CEP41: variants seen among roughly 807,000 people sequenced by gnomAD.
CEP41 encodes the protein centrosomal protein of 41 kDa.
Under a neutral mutation model 44.3 loss-of-function variants are expected in CEP41, and 32 were observed. That is an observed-to-expected ratio of 0.72 (90% CI 0.54 to 0.97). The LOEUF (loss-of-function observed/expected upper bound fraction) is 0.97, where lower values mean the gene tolerates loss of function less well. Ranked by LOEUF, CEP41 falls within the 50% of genes least tolerant of loss-of-function variation. The pLI is 0.00. For synonymous variants in CEP41, 151 were observed against 168.5 expected (o/e 0.90, Z 0.80); for missense variants, 432 against 455.2 (o/e 0.95, Z 0.46).
chr7:130,404,594 G>C lies in CEP41; in HGVS notation c.392C>G (p.Ala131Gly). Reference protein sequence around the residue: ...SPEQFINNAGAGDSSRSTLQS... With the variant: ...SPEQFINNAGGGDSSRSTLQS... Reference sequence around the variant, plus strand: ...AAGAGTTGAGCGGCTGGAGTCCCCTGCTCCTGCGTTGTTTATGAACTGCTC... The same window carrying C: ...AAGAGTTGAGCGGCTGGAGTCCCCTCCTCCTGCGTTGTTTATGAACTGCTC... The change falls in exon 6 of 11, where the codon GCA becomes GGA. Residue 131 changes from alanine (A) to glycine (G), a missense_variant. Physicochemically the swap from Ala to Gly is moderately conservative, Grantham distance 60. Transcript: ENST00000223208. The C allele has an allele frequency of 6.2e-7, 1 of 1,613,690 alleles. No individual in the cohort carries two copies. The highest frequency in any genetic ancestry group is 8.5e-7 in the Non-Finnish European group (1 of 1,179,610).
Position 130,411,110 on chromosome 7 carries a change from A to C in CEP41, c.277+12T>G. The C allele has an allele frequency of 6.2e-7, 1 of 1,613,000 alleles. No homozygotes were observed. The highest frequency in any genetic ancestry group is 8.5e-7 in the Non-Finnish European group (1 of 1,179,006). On this transcript the variant is annotated intron_variant, in intron 5 of 10. Transcript: ENST00000223208. ...AGCCTGTTATTTTCCCCACACCCTCAATTCTCATTACCTTCCAGCCTTTGA... is the reference window on the plus strand; with the variant it reads ...AGCCTGTTATTTTCCCCACACCCTCCATTCTCATTACCTTCCAGCCTTTGA...
intron 1 of CEP41, among the ~76,000 whole-genome samples, chr7:130,436,762 A>G (rs11974540): frequency 0.19 from 29,508 of 152,128 alleles, 2,868 homozygotes; most frequent in African/African-American, 0.22. Context: ...GGCTGGGCAC[A>G]GTGGCTCACA....
At chr7:130,424,719 T>C (rs1433977330) in intron 2 of CEP41, among the ~76,000 whole-genome samples, 2 of 152,024 alleles carry the variant, frequency 1.3e-5, no homozygotes, top group Non-Finnish European at 2.9e-5. Flanking sequence ...TCAAAGTTTA[T>C]CATGAACTTA....
chr7:130,420,873 T>G (rs1460957996), intron 2 of CEP41: 12 of 919,354 alleles, frequency 1.3e-5, no homozygotes, highest in Non-Finnish European at 1.6e-5. Flanking sequence ...AGTTATTTTA[T>G]AATGCAAATA....
At chr7:130,419,860 AG>A (rs1797448732) in intron 2 of CEP41, 1 of 985,226 alleles carries the variant, frequency 1.0e-6, no homozygotes, top group African/African-American at 1.7e-5. Context: ...GAGCCTCTAT[AG>A]CACTCGGCTT....
chr7:130,440,795 CTGCATCCCG>C, intron 1 of CEP41, 130 bp downstream of exon 1: 2 of 727,046 alleles, frequency 2.8e-6, no homozygotes, highest in Non-Finnish European at 2.4e-6. Context: ...CGCCCCGCCC[CTGCATCCCG>C]ACCCCTCCTC....
At chr7:130,404,830 G>T in intron 5 of CEP41, 122 bp from the exon 6 acceptor site, 1 of 856,750 alleles carries the variant, frequency 1.2e-6, no homozygotes, top group Non-Finnish European at 1.9e-6. Flanking sequence ...TGTCGTGGAA[G>T]TGCTAACGTA....
chr7:130,395,478 T>G lies in CEP41; in HGVS notation c.*3413A>C, dbSNP rs1378996050. On this transcript the variant is annotated 3_prime_UTR_variant, in exon 11 of 11. Transcript: ENST00000223208. ...GAGAAAGAAAGGTTCTTACTGATTATCTTCAGAGTAGAGCAAGAAGGTGGT... is the reference window on the plus strand; with the variant it reads ...GAGAAAGAAAGGTTCTTACTGATTAGCTTCAGAGTAGAGCAAGAAGGTGGT... 2.9e-5 allele frequency: 13 copies of G among 453,988 alleles called. No individual in the cohort carries two copies. Among genetic ancestry groups the G allele is most frequent in the Non-Finnish European group, 3.1e-5 (7 of 226,788 alleles). The allele number at this position is 453,988 out of a possible 1,614,324, so 28.1% of individuals were successfully genotyped here.
intron 3 of CEP41, among the ~76,000 whole-genome samples, chr7:130,413,584 A>C (rs79849609): frequency 0.044 from 4,955 of 112,012 alleles, 99 homozygotes; most frequent in African/African-American, 0.069. Flanking sequence ...GTCACAAAAA[A>C]AAAAACAAAA....
At chr7:130,407,054 A>G (rs1797033663) in intron 5 of CEP41, among the ~76,000 whole-genome samples, 1 of 151,972 alleles carries the variant, frequency 6.6e-6, no homozygotes, top group Admixed American at 6.5e-5. Flanking sequence ...AAATGTATAA[A>G]TCCTTTATAG....
chr7:130,431,916 C>T (rs1298135971), intron 1 of CEP41, among the ~76,000 whole-genome samples: 2 of 152,190 alleles, frequency 1.3e-5, no homozygotes, highest in African/African-American at 2.4e-5. Flanking sequence ...ACCCCCAAGA[C>T]ATTTGTCAAT....
chr7:130,439,155 T>C (rs1798063956), intron 1 of CEP41, among the ~76,000 whole-genome samples: 1 of 152,204 alleles, frequency 6.6e-6, no homozygotes, highest in African/African-American at 2.4e-5. Context: ...AGGATGAAGA[T>C]GTTTATGATG....
chr7:130,430,754 G>A (rs1554424918), intron 1 of CEP41, among the ~76,000 whole-genome samples: 1 of 152,004 alleles, frequency 6.6e-6, no homozygotes, highest in Admixed American at 6.6e-5. Flanking sequence ...TCTGCACTCT[G>A]TATTTTTTTT....
chr7:130,394,187 G>A lies in CEP41; in HGVS notation c.*4704C>T, dbSNP rs781826261. The stretch of plus-strand genomic sequence containing the variant: ...CCACCCAGAGTGAGAAGCATAGAGC[G>A]GAGTGGCTGAAAGAACACCCTCTGG... On this transcript the variant is annotated 3_prime_UTR_variant, in exon 11 of 11. Transcript: ENST00000223208. The A allele has an allele frequency of 7.0e-5, 32 of 453,912 alleles. No homozygotes were observed. Among genetic ancestry groups the A allele is most frequent in the South Asian group, 2.3e-4 (15 of 64,468 alleles). The allele number at this position is 453,912 out of a possible 1,614,324, so 28.1% of individuals were successfully genotyped here.
At chr7:130,441,253 GCGC>G, upstream of CEP41, 1 of 545,738 alleles carries the variant, frequency 1.8e-6, no homozygotes, top group Non-Finnish European at 3.3e-6. Context: ...GGGAAGAGAG[GCGC>G]GGGGGGAGGG....
intron 10 of CEP41, 70 bp downstream of exon 10, chr7:130,399,969 G>T: frequency 1.9e-6 from 2 of 1,059,948 alleles, no homozygotes; most frequent in African/African-American, 1.6e-5. Flanking sequence ...AGAGATGAAG[G>T]TTTTCATATG....
In CEP41 at chr7:130,400,210, C is replaced by CT; in HGVS notation, c.801_802insA (p.Gly268ArgfsTer30). ...TGCTGGCAAGATGCTGGCAGGGAAC[C>CT]AGTAATCAGTCCTTCCGGGAATTTC... On this transcript the variant is annotated frameshift_variant, in exon 10 of 11. Coordinates refer to ENST00000223208, the MANE Select transcript of CEP41 (RefSeq NM_018718.3). LOFTEE classifies it high-confidence loss of function. The CT allele has an allele frequency of 6.2e-7, 1 of 1,613,920 alleles. No homozygotes were observed. The highest frequency in any genetic ancestry group is 8.5e-7 in the Non-Finnish European group (1 of 1,179,928).
intron 1 of CEP41, among the ~76,000 whole-genome samples, chr7:130,432,473 T>C (rs1584905911): frequency 6.7e-6 from 1 of 150,274 alleles, no homozygotes; most frequent in East Asian, 2.0e-4. Flanking sequence ...AACTATCGGC[T>C]GGGCACAGTG....
At chr7:130,430,412 TTG>T (rs34937318) in intron 1 of CEP41, among the ~76,000 whole-genome samples, 25,893 of 152,112 alleles carry the variant, frequency 0.17, 2,186 homozygotes, top group African/African-American at 0.2. Context: ...GGTCCTCAGA[TTG>T]TGTTTGGAAC....
Sources: gnomAD v4.1 joint callset for allele counts (sites outside exome capture counted in the v4.1 genomes callset) on GRCh38, gnomAD v4.1.1 for gene constraint, MANE v1.5 for transcripts, NCBI Gene and HGNC (gene_info 2026-07-23, HGNC 2026-07-21) for gene names.